Variants in DRC11 observed in about 807,000 individuals in gnomAD.
The protein encoded by DRC11 is IQ and AAA domain-containing protein 1.
chr2:236,386,173 T>C, the DRC11 span, among the ~76,000 whole-genome samples: 1 of 150,002 alleles, frequency 6.7e-6, no homozygotes, highest in Non-Finnish European at 1.5e-5. Flanking sequence ...GATGCTGGCC[T>C]CATAAAATGA....
At chr2:236,320,417 A>G in the DRC11 span, among the ~76,000 whole-genome samples, 4 of 152,194 alleles carry the variant, frequency 2.6e-5, no homozygotes, top group Non-Finnish European at 5.9e-5. Flanking sequence ...CAGCCCTGTG[A>G]CCACCTACCA....
the DRC11 span, among the ~76,000 whole-genome samples, chr2:236,329,726 C>T: frequency 1.3e-5 from 2 of 152,304 alleles, no homozygotes; most frequent in Non-Finnish European, 2.9e-5. Flanking sequence ...GGCACAGGGC[C>T]AAGCACTGTT....
chr2:236,351,611 A>T, the DRC11 span, among the ~76,000 whole-genome samples: 1 of 152,130 alleles, frequency 6.6e-6, no homozygotes, highest in Non-Finnish European at 1.5e-5. This position sits in a 1 kb window ranked among gnomAD's most constrained non-coding sequence, Gnocchi z 7.3. Context: ...TTACAGAAAA[A>T]TCCCTCTTGG....
the DRC11 span, among the ~76,000 whole-genome samples, chr2:236,354,281 GTTTA>G: frequency 2.6e-4 from 15 of 58,492 alleles, no homozygotes; most frequent in Admixed American, 5.4e-4. Flanking sequence ...GTGTGTATGA[GTTTA>G]TGTTAGTGTG....
At chr2:236,499,235 G>A in the DRC11 span, among the ~76,000 whole-genome samples, 3 of 152,088 alleles carry the variant, frequency 2.0e-5, no homozygotes, top group South Asian at 2.1e-4. This position sits in a 1 kb window ranked among gnomAD's most constrained non-coding sequence, Gnocchi z 4.7. Context: ...AGTGATTGGC[G>A]GCCTAAATGT....
the DRC11 span, among the ~76,000 whole-genome samples, chr2:236,336,057 A>G: frequency 0.19 from 28,915 of 152,044 alleles, 2,912 homozygotes; most frequent in African/African-American, 0.26. This position sits in a 1 kb window ranked among gnomAD's most constrained non-coding sequence, Gnocchi z 7.3. Flanking sequence ...CAGGTGCAAA[A>G]GGTTCATGGG....
chr2:236,479,894 T>C, the DRC11 span, among the ~76,000 whole-genome samples: 1 of 152,308 alleles, frequency 6.6e-6, no homozygotes, highest in South Asian at 2.1e-4. This position sits in a 1 kb window ranked among gnomAD's most constrained non-coding sequence, Gnocchi z 4.1. Context: ...AGAACTCCCT[T>C]TAGCATTTCT....
At chr2:236,331,603 G>T in the DRC11 span, 1 of 1,604,232 alleles carries the variant, frequency 6.2e-7, no homozygotes, top group Non-Finnish European at 8.5e-7. The surrounding 1 kb of genome is among the most constrained non-coding windows in gnomAD (Gnocchi z 4.8). Flanking sequence ...CAGAACTGTT[G>T]TATCCAGAAA....
At chr2:236,463,664 AG>A in the DRC11 span, among the ~76,000 whole-genome samples, 1 of 152,222 alleles carries the variant, frequency 6.6e-6, no homozygotes, top group Non-Finnish European at 1.5e-5. The surrounding 1 kb of genome is among the most constrained non-coding windows in gnomAD (Gnocchi z 5.0). Context: ...ATAGTAGTTT[AG>A]GTTTTTGTAA....
chr2:236,469,298 C>T, the DRC11 span, among the ~76,000 whole-genome samples: 28 of 152,286 alleles, frequency 1.8e-4, no homozygotes, highest in East Asian at 7.7e-4. This position sits in a 1 kb window ranked among gnomAD's most constrained non-coding sequence, Gnocchi z 5.8. Context: ...CTCCATCTCC[C>T]GAGTTCAAGT....
the DRC11 span, among the ~76,000 whole-genome samples, chr2:236,428,929 C>T: frequency 6.6e-6 from 1 of 152,116 alleles, no homozygotes; most frequent in African/African-American, 2.4e-5. Context: ...CATGGATCTC[C>T]AATTCTTTAG....
the DRC11 span, among the ~76,000 whole-genome samples, chr2:236,491,182 C>CACAGTATATATATATATATATAT: frequency 1.0e-4 from 4 of 38,476 alleles, 1 homozygote; most frequent in East Asian, 1.4e-3. Flanking sequence ...TATATATATA[C>CACAGTATATATATATATATATAT]ACACAGTATA....
chr2:236,450,564 C>T, the DRC11 span, among the ~76,000 whole-genome samples: 2 of 152,046 alleles, frequency 1.3e-5, no homozygotes, highest in South Asian at 2.1e-4. Context: ...GTGACTCACC[C>T]GCCTCAGCCT....
At chr2:236,349,055 A>G in the DRC11 span, among the ~76,000 whole-genome samples, 3 of 152,118 alleles carry the variant, frequency 2.0e-5, no homozygotes, top group Non-Finnish European at 4.4e-5. The surrounding 1 kb of genome is among the most constrained non-coding windows in gnomAD (Gnocchi z 5.5). Flanking sequence ...TACCCAAGCC[A>G]GAGGCCTGGG....
chr2:236,497,212 G>GT, the DRC11 span: 1 of 1,612,978 alleles, frequency 6.2e-7, no homozygotes, highest in Non-Finnish European at 8.5e-7. This position sits in a 1 kb window ranked among gnomAD's most constrained non-coding sequence, Gnocchi z 5.1. Context: ...ATGGAACTCC[G>GT]TGAGTTCCAG....
At chr2:236,493,890 AGAG>A in the DRC11 span, 3 of 1,590,912 alleles carry the variant, frequency 1.9e-6, no homozygotes, top group African/African-American at 4.0e-5. Flanking sequence ...AATTGTTGCT[AGAG>A]AAGAGAAAGA....
At chr2:236,324,921 C>G in the DRC11 span, 1 of 608,414 alleles carries the variant, frequency 1.6e-6, no homozygotes, top group East Asian at 2.9e-5. The surrounding 1 kb of genome is among the most constrained non-coding windows in gnomAD (Gnocchi z 5.7). Context: ...ATGCTTGACA[C>G]AAGCTCTTTC....
At chr2:236,446,870 C>A in the DRC11 span, among the ~76,000 whole-genome samples, 2 of 151,932 alleles carry the variant, frequency 1.3e-5, no homozygotes, top group Admixed American at 6.5e-5. This position sits in a 1 kb window ranked among gnomAD's most constrained non-coding sequence, Gnocchi z 6.2. Flanking sequence ...GATTCGTCCA[C>A]CTCGGACCTG....
At chr2:236,452,455 C>G in the DRC11 span, among the ~76,000 whole-genome samples, 5 of 152,202 alleles carry the variant, frequency 3.3e-5, no homozygotes, top group African/African-American at 1.2e-4. The surrounding 1 kb of genome is among the most constrained non-coding windows in gnomAD (Gnocchi z 4.7). Context: ...CCATTAATGT[C>G]AGCAGGCTCA....
Sources: gnomAD v4.1 joint callset for allele counts (sites outside exome capture counted in the v4.1 genomes callset) on GRCh38, gnomAD v4.1.1 for gene constraint, Gnocchi (gnomAD v3.1) non-coding constraint, MANE v1.5 for transcripts, NCBI Gene and HGNC (gene_info 2026-07-23, HGNC 2026-07-21) for gene names.